The following PTPRD variants were observed in gnomAD, a reference collection of about 807,000 sequenced individuals.
PTPRD encodes protein tyrosine phosphatase receptor type D, also known as receptor-type tyrosine-protein phosphatase delta.
Under a neutral mutation model 214.5 loss-of-function variants are expected in PTPRD, and 34 were observed. The ratio of observed to expected loss-of-function variants is 0.16; its 90% CI spans 0.12 to 0.21. The LOEUF is 0.21. Ranked by LOEUF, PTPRD falls within the 10% of genes least tolerant of loss-of-function variation. The pLI is 1.00. For synonymous variants in PTPRD, 1,128 were observed against 845.7 expected (o/e 1.33, Z -5.79); for missense variants, 2,545 against 2,398.7 (o/e 1.06, Z -1.27).
At chr9:9,457,344 A>G (rs1378003885) in intron 8 of PTPRD, among the ~76,000 whole-genome samples, 1 of 152,038 alleles carries the variant, frequency 6.6e-6, no homozygotes, top group Non-Finnish European at 1.5e-5. Flanking sequence ...ATCCAAAACC[A>G]GATTTATCAA....
chr9:8,668,892 T>C (rs750373453), intron 12 of PTPRD, among the ~76,000 whole-genome samples: 2 of 152,046 alleles, frequency 1.3e-5, no homozygotes, highest in Admixed American at 6.6e-5. Context: ...GTGGGAACAA[T>C]TACATACCTT....
chr9:8,361,890 G>A (rs1053740306), intron 39 of PTPRD, among the ~76,000 whole-genome samples: 1 of 152,214 alleles, frequency 6.6e-6, no homozygotes, highest in African/African-American at 2.4e-5. Flanking sequence ...AAATAACAAA[G>A]AGGATCGTGT....
At chr9:8,693,340 A>G (rs182203240) in intron 12 of PTPRD, among the ~76,000 whole-genome samples, 7 of 152,200 alleles carry the variant, frequency 4.6e-5, no homozygotes, top group African/African-American at 1.7e-4. Flanking sequence ...CTTTCCTCTC[A>G]TGACAAACAT....
chr9:8,557,767 A>AC (rs2084510362), intron 14 of PTPRD, among the ~76,000 whole-genome samples: 2 of 138,152 alleles, frequency 1.4e-5, no homozygotes, highest in African/African-American at 5.7e-5. Context: ...AAAAAAAAAA[A>AC]GAAAAACAAA....
At chr9:9,741,649 C>A (rs2098404255) in intron 6 of PTPRD, among the ~76,000 whole-genome samples, 1 of 152,098 alleles carries the variant, frequency 6.6e-6, no homozygotes, top group Non-Finnish European at 1.5e-5. Flanking sequence ...TGTTCGCCTC[C>A]CTGCGTTGGT....
chr9:8,956,761 A>T, intron 11 of PTPRD, among the ~76,000 whole-genome samples: 1 of 151,804 alleles, frequency 6.6e-6, no homozygotes, highest in East Asian at 1.9e-4. Context: ...AATAAAATAT[A>T]CCTGCAATAG....
chr9:8,968,803 A>G (rs963381162), intron 11 of PTPRD, among the ~76,000 whole-genome samples: 2 of 152,074 alleles, frequency 1.3e-5, no homozygotes, highest in Non-Finnish European at 2.9e-5. Flanking sequence ...GATATGAGAA[A>G]GTACCTTCCA....
chr9:9,779,889 A>C (rs1204183311), intron 5 of PTPRD, among the ~76,000 whole-genome samples: 1 of 152,228 alleles, frequency 6.6e-6, no homozygotes, highest in Non-Finnish European at 1.5e-5. Flanking sequence ...CATTCAACCC[A>C]GCAATCCCAT....
chr9:9,677,550 G>T (rs1001305408), intron 7 of PTPRD, among the ~76,000 whole-genome samples: 1 of 152,002 alleles, frequency 6.6e-6, no homozygotes, highest in Non-Finnish European at 1.5e-5. Flanking sequence ...AATAAATTAG[G>T]TATTGATGGG....
chr9:9,139,522 G>C (rs1172016989), intron 10 of PTPRD, among the ~76,000 whole-genome samples: 4 of 152,092 alleles, frequency 2.6e-5, no homozygotes, highest in Non-Finnish European at 4.4e-5. Context: ...AGCATTACTT[G>C]AACACATGCT....
At chr9:10,522,476 G>C (rs1358921) in intron 2 of PTPRD, among the ~76,000 whole-genome samples, 2 of 151,908 alleles carry the variant, frequency 1.3e-5, no homozygotes, top group Non-Finnish European at 2.9e-5. Flanking sequence ...CCAAAAGCTT[G>C]AACTTTCTAA....
intron 12 of PTPRD, among the ~76,000 whole-genome samples, chr9:8,677,042 C>A (rs555401354): frequency 6.6e-6 from 1 of 152,250 alleles, no homozygotes; most frequent in South Asian, 2.1e-4. Flanking sequence ...TGGACAAAGA[C>A]ATAATCAAAC....
At position 8,495,507 on chromosome 9, in the gene PTPRD, A is replaced by C. The variant is rs2097244601; in HGVS notation, c.2349+1735T>G. The stretch of plus-strand genomic sequence containing the variant: ...TCTATCCACTAAGTCACTGGATTTT[A>C]AACTGCAGGTAATGACCCATTTAGT... On this transcript the variant is annotated intron_variant, in intron 26 of 45. Transcript: ENST00000381196. Among the ~76,000 whole-genome samples the C allele has an allele frequency of 2.0e-5, 3 of 152,340 alleles. No individual in the cohort carries two copies. In the South Asian group the frequency reaches 6.2e-4, roughly 32 times the overall value.
At chr9:8,919,232 A>G (rs1380678277) in intron 11 of PTPRD, among the ~76,000 whole-genome samples, 1 of 151,978 alleles carries the variant, frequency 6.6e-6, no homozygotes, top group East Asian at 1.9e-4. Context: ...GTCTCTAGTA[A>G]AAATACAAAA....
intron 3 of PTPRD, among the ~76,000 whole-genome samples, chr9:10,231,499 T>C (rs542030332): frequency 2.3e-4 from 35 of 152,044 alleles, no homozygotes; most frequent in African/African-American, 7.5e-4. Context: ...TGCTGATTAA[T>C]TGGTGAGTTC....
At chr9:8,949,521 T>C (rs1249327685) in intron 11 of PTPRD, among the ~76,000 whole-genome samples, 2 of 150,006 alleles carry the variant, frequency 1.3e-5, no homozygotes, top group East Asian at 4.0e-4. Context: ...CTTTGAAAGG[T>C]CCCTAGAAAC....
At chr9:10,168,663 C>A (rs926082848) in intron 3 of PTPRD, among the ~76,000 whole-genome samples, 3 of 151,786 alleles carry the variant, frequency 2.0e-5, no homozygotes, top group African/African-American at 7.3e-5. Context: ...AGTTTTTAGC[C>A]AAAAAAGTAT....
At chr9:9,739,362 A>G (rs1330700355) in intron 6 of PTPRD, among the ~76,000 whole-genome samples, 3 of 152,170 alleles carry the variant, frequency 2.0e-5, no homozygotes, top group South Asian at 2.1e-4. Context: ...TGTTTATAAT[A>G]AAGGGTTTTT....
intron 3 of PTPRD, among the ~76,000 whole-genome samples, chr9:10,126,838 T>C (rs1299496745): frequency 6.6e-6 from 1 of 152,082 alleles, no homozygotes; most frequent in Admixed American, 6.6e-5. Context: ...GTACAAACAA[T>C]GTGATTCATA....
Sources: gnomAD v4.1 joint callset for allele counts (sites outside exome capture counted in the v4.1 genomes callset) on GRCh38, gnomAD v4.1.1 for gene constraint, MANE v1.5 for transcripts, NCBI Gene and HGNC (gene_info 2026-07-23, HGNC 2026-07-21) for gene names.